Variants in PRRT3 observed in about 807,000 individuals in gnomAD.
PRRT3 encodes the protein proline-rich transmembrane protein 3.
PRRT3 carries 48 observed loss-of-function variants against 56.6 expected under a neutral mutation model. The observed-to-expected ratio is 0.85, with a 90% confidence interval of 0.67 to 1.08. The LOEUF (loss-of-function observed/expected upper bound fraction) is 1.08. Ranked by LOEUF, PRRT3 falls within the 50% of genes least tolerant of loss-of-function variation. The pLI, the probability that PRRT3 is intolerant of heterozygous loss-of-function variation, is 0.00. For synonymous variants in PRRT3, 641 were observed against 619.1 expected, an observed-to-expected ratio of 1.04 and a Z score of -0.52; for missense variants, 1,370 against 1,353.1, an observed-to-expected ratio of 1.01 and a Z score of -0.20.
rs771652795 is a variant in PRRT3, at chr3:9,950,132, T to C, written c.-17A>G. The C allele has an allele frequency of 7.1e-7, 1 of 1,413,530 alleles. No homozygotes were observed. Among genetic ancestry groups the C allele is most frequent in the Non-Finnish European group, 9.3e-7 (1 of 1,079,328 alleles). 87.6% of individuals were successfully genotyped at this position (1,413,530 alleles called of 1,614,324 possible). On this transcript the variant is annotated 5_prime_UTR_variant, in exon 2 of 4. Coordinates refer to ENST00000412055, the MANE Select transcript of PRRT3 (RefSeq NM_207351.5). The stretch of plus-strand genomic sequence containing the variant: ...GGAGGCCATGGTCTACTCCGATGCC[T>C]GGGCCTAAAGCCCCCACCTTCCAGT...
At position 9,949,817 on chromosome 3, in the gene PRRT3, T is replaced by C. The variant is rs761134264; in HGVS notation, c.299A>G (p.Lys100Arg). 25 of 1,614,026 alleles carry C rather than the reference T, an allele frequency of 1.5e-5. No homozygotes were observed. The East Asian group carries it at 1.8e-4, about 12-fold the overall frequency. The change falls in exon 2 of 4, where the codon AAA becomes AGA. Residue 100 changes from lysine to arginine, a missense_variant. Transcript: ENST00000412055. This position sits in a 1 kb window ranked among gnomAD's most constrained non-coding sequence, Gnocchi z 4.5. ...SPLGPALYGP[K>R]AAQGAQRERL... ...TTCTCTCTGAGCTCCTTGTGCTGCT[T>C]TGGGCCCGTACAGGGCTGGGCCAAG...
At position 9,950,094 on chromosome 3, in the gene PRRT3, A is replaced by G; in HGVS notation, c.22T>C (p.Cys8Arg). The change falls in exon 2 of 4, where the codon TGT becomes CGT. Residue 8 changes from cysteine (C) to arginine (R), a missense_variant. Cys to Arg is a radical substitution (Grantham distance 180). Transcript: ENST00000412055. ...AGCAACAGCAGAAGGCCACATACACAGCCCCATGGGCTGGAGGCCATGGTC... is the reference window on the plus strand; with the variant it reads ...AGCAACAGCAGAAGGCCACATACACGGCCCCATGGGCTGGAGGCCATGGTC... MASSPWG[C>R]VCGLLLLLLP... 1.3e-6 allele frequency: 2 copies of G among 1,494,840 alleles called. No individual in the cohort carries two copies. The highest frequency in any genetic ancestry group is 1.8e-6 in the Non-Finnish European group (2 of 1,123,652). 92.6% of individuals were successfully genotyped at this position (1,494,840 alleles called of 1,614,324 possible). A position where few individuals can be genotyped will look rare whatever the true frequency, so the allele number is the denominator to read the frequency against.
At chr3:9,948,362 C>G in intron 3 of PRRT3, 1 of 361,198 alleles carries the variant, frequency 2.8e-6, no homozygotes, top group Admixed American at 4.6e-5. Context: ...CAGGTTCTCA[C>G]TCTGTCATCC....
In PRRT3 at chr3:9,946,215, C is replaced by A; in HGVS notation, c.*12G>T. ...ATCGGGCAGGGTCCTGGCCCTGCGT[C>A]AGGACCGCTCTTCAAAGCTCGATGG... On this transcript the variant is annotated 3_prime_UTR_variant, in exon 4 of 4. Transcript: ENST00000412055. The surrounding 1 kb of genome is among the most constrained non-coding windows in gnomAD (Gnocchi z 4.1). 6.2e-7 allele frequency: 1 copy of A among 1,609,524 alleles called. No individual in the cohort carries two copies. Among genetic ancestry groups the A allele is most frequent in the South Asian group, 1.1e-5 (1 of 90,598 alleles).
Position 9,946,516 on chromosome 3 carries a change from T to C in PRRT3, c.2657A>G (p.Gln886Arg), listed in dbSNP as rs2085524215. The C allele has an allele frequency of 2.0e-6, 3 of 1,512,184 alleles. No individual in the cohort carries two copies. The highest frequency in any genetic ancestry group is 2.7e-6 in the Non-Finnish European group (3 of 1,129,020). 93.7% of individuals were successfully genotyped at this position (1,512,184 alleles called of 1,614,324 possible). A position where few individuals can be genotyped will look rare whatever the true frequency, so the allele number is the denominator to read the frequency against. The change falls in exon 4 of 4, where the codon CAG (glutamine) becomes CGG (arginine). Residue 886 changes from glutamine to arginine, a missense_variant. By Grantham distance (43) the Gln-to-Arg change is conservative. Coordinates refer to ENST00000412055, the MANE Select transcript of PRRT3 (RefSeq NM_207351.5). This position sits in a 1 kb window ranked among gnomAD's most constrained non-coding sequence, Gnocchi z 4.1. ...CCCGTCGGGTGCTTCCACTACGTGC[T>C]GTGGGACCGGCCCGCGCACGCGCAC... ...SDVRVRGPVP[Q>R]HVVEAPDGAA...
rs959789618 is a variant in PRRT3 at position 9,946,510 on chromosome 3, A to G, written c.2663T>C (p.Val888Ala). The G allele has an allele frequency of 1.6e-5, 24 of 1,528,404 alleles. No homozygotes were observed. The highest frequency in any genetic ancestry group is 5.6e-5 in the African/African-American group (4 of 71,640). The allele number at this position is 1,528,404 out of a possible 1,614,324, so 94.7% of individuals were successfully genotyped here. A position where few individuals can be genotyped will look rare whatever the true frequency, so the allele number is the denominator to read the frequency against. Residue 888 changes from valine to alanine, a missense_variant, in exon 4 of 4, where the codon GTA becomes GCA. By Grantham distance (64) the Val-to-Ala change is moderately conservative. Transcript: ENST00000412055. This position sits in a 1 kb window ranked among gnomAD's most constrained non-coding sequence, Gnocchi z 4.1. ...GGCTGCCCCGTCGGGTGCTTCCACT[A>G]CGTGCTGTGGGACCGGCCCGCGCAC... is the stretch of plus-strand genomic sequence containing the variant. ...VRVRGPVPQH[V>A]VEAPDGAAAA...
In PRRT3 at chr3:9,948,854, C is replaced by T; in HGVS notation, c.1075G>A (p.Glu359Lys). 3 of 1,610,676 alleles carry T rather than the reference C, an allele frequency of 1.9e-6. No homozygotes were observed. Among genetic ancestry groups the T allele is most frequent in the Non-Finnish European group, 2.5e-6 (3 of 1,178,134 alleles). ...AGAGACTTGGGGGTGCCTGGGGCCT[C>T]CACAGCTCCTCTCACCCGCTGGGGG... is the stretch of plus-strand genomic sequence containing the variant. ...ISPQRVRGAV[E>K]APGTPKSLIP... The change falls in exon 3 of 4, where the codon GAG (glutamate) becomes AAG (lysine). Residue 359 changes from glutamate (E) to lysine (K), a missense_variant. Glu to Lys is a moderately conservative substitution (Grantham distance 56, BLOSUM62 1). Coordinates refer to ENST00000412055, the MANE Select transcript of PRRT3 (RefSeq NM_207351.5).
Position 9,946,525 on chromosome 3 carries a change from G to A in PRRT3, c.2648C>T (p.Pro883Leu), listed in dbSNP as rs909804737. 2.7e-6 allele frequency: 4 copies of A among 1,483,004 alleles called. No individual in the cohort carries two copies. The highest frequency in any genetic ancestry group is 2.9e-5 in the African/African-American group (2 of 68,972). The allele number at this position is 1,483,004 out of a possible 1,614,324, so 91.9% of individuals were successfully genotyped here. The change falls in exon 4 of 4, where the codon CCG (proline) becomes CTG (leucine). Residue 883 changes from proline to leucine, a missense_variant. Transcript: ENST00000412055. This position sits in a 1 kb window ranked among gnomAD's most constrained non-coding sequence, Gnocchi z 4.1. ...RSLSDVRVRG[P>L]VPQHVVEAPD... The stretch of plus-strand genomic sequence containing the variant: ...TGCTTCCACTACGTGCTGTGGGACC[G>A]GCCCGCGCACGCGCACGTCGCTGAG...
At chr3:9,948,412 C>CT in intron 3 of PRRT3, 1 of 419,418 alleles carries the variant, frequency 2.4e-6, no homozygotes, top group Non-Finnish European at 4.2e-6. Flanking sequence ...TTACTGCAGC[C>CT]TTGACCTCCA....
Position 9,949,590 on chromosome 3 carries a change from C to T in PRRT3, c.526G>A (p.Gly176Ser), listed in dbSNP as rs1201018449. The T allele has an allele frequency of 1.2e-6, 2 of 1,614,018 alleles. No individual in the cohort carries two copies. The change falls in exon 2 of 4, where the codon GGC (glycine) becomes AGC (serine). Residue 176 changes from glycine to serine, a missense_variant. Physicochemically the swap from Gly to Ser is moderately conservative, Grantham distance 56 (BLOSUM62 0). Coordinates refer to ENST00000412055, the MANE Select transcript of PRRT3 (RefSeq NM_207351.5). The surrounding 1 kb of genome is among the most constrained non-coding windows in gnomAD (Gnocchi z 4.5). Reference protein sequence around the residue: ...ATVPPSLQHEGQEGQWPPRDE... With the variant: ...ATVPPSLQHESQEGQWPPRDE... ...CTAGGTGGCCACTGTCCCTCTTGGC[C>T]TTCATGCTGCAGGGAGGGAGGAACT... is the stretch of plus-strand genomic sequence containing the variant.
chr3:9,950,164 T>A lies in PRRT3; in HGVS notation c.-49A>T, dbSNP rs763022749. The stretch of plus-strand genomic sequence containing the variant: ...AAAGCCCCCACCTTCCAGTCCTCAC[T>A]GGATGAGCCTAAAAAAAAAACAGGG... On this transcript the variant is annotated 5_prime_UTR_variant, in exon 2 of 4. Coordinates refer to ENST00000412055, the MANE Select transcript of PRRT3 (RefSeq NM_207351.5). 1 of 1,326,210 alleles carries A rather than the reference T, an allele frequency of 7.5e-7. No individual in the cohort carries two copies. The highest frequency in any genetic ancestry group is 2.8e-5 in the South Asian group (1 of 36,034). 82.2% of individuals were successfully genotyped at this position (1,326,210 alleles called of 1,614,324 possible).
rs540542289 is a variant in PRRT3 at position 9,949,033 on chromosome 3, C to G, written c.1015+68G>C. The G allele has an allele frequency of 3.5e-5, 54 of 1,522,644 alleles. No homozygotes were observed. The African/African-American group carries it at 7.0e-4, about 20-fold the overall frequency. The allele number at this position is 1,522,644 out of a possible 1,614,324, so 94.3% of individuals were successfully genotyped here. On this transcript the variant is annotated intron_variant, in intron 2 of 3. Transcript: ENST00000412055. The surrounding 1 kb of genome is among the most constrained non-coding windows in gnomAD (Gnocchi z 4.5). ...GAGGAAAATGAGACCTAGAGGGACC[C>G]AGGGTCAAACAGAATTGAGGCATCC...
chr3:9,950,025 G>C lies in PRRT3; in HGVS notation c.91C>G (p.Pro31Ala), dbSNP rs775485383. The C allele has an allele frequency of 6.6e-7, 1 of 1,525,864 alleles. No individual in the cohort carries two copies. Among genetic ancestry groups the C allele is most frequent in the South Asian group, 1.3e-5 (1 of 74,980 alleles). The allele number at this position is 1,525,864 out of a possible 1,614,324, so 94.5% of individuals were successfully genotyped here. ...ATTTCGGAGTTTTCAAGTGGCCTGG[G>C]AAAGCCCCTCCCCAGGGCAGGGCCA... ...GTGPALGRGF[P>A]RPLENSEIPM... The change falls in exon 2 of 4, where the codon CCC (proline) becomes GCC (alanine). Residue 31 changes from proline (P) to alanine (A), a missense_variant. By Grantham distance (27) the Pro-to-Ala change is conservative. Coordinates refer to ENST00000412055, the MANE Select transcript of PRRT3 (RefSeq NM_207351.5).
chr3:9,952,059 C>A (rs376289484), intron 1 of PRRT3, among the ~76,000 whole-genome samples: 1 of 152,230 alleles, frequency 6.6e-6, no homozygotes, highest in African/African-American at 2.4e-5. Flanking sequence ...GATCTCTCTG[C>A]CGCAGGGACT....
chr3:9,947,333 G>A lies in PRRT3; in HGVS notation c.1840C>T (p.Leu614=). ...LSCAWGAAVA[L]GTLCLCRRRL... ...CGACGGCACAGGCAGAGCGTGCCCA[G>A]AGCCACGGCCGCGCCCCAGGCGCAC... The change falls in exon 4 of 4, where the codon CTG becomes TTG. Residue 614 remains leucine, a synonymous_variant. Transcript: ENST00000412055. This position sits in a 1 kb window ranked among gnomAD's most constrained non-coding sequence, Gnocchi z 9.2. 1 of 1,606,818 alleles carries A rather than the reference G, an allele frequency of 6.2e-7. No individual in the cohort carries two copies. The highest frequency in any genetic ancestry group is 8.5e-7 in the Non-Finnish European group (1 of 1,178,124).
Position 9,946,049 on chromosome 3 carries a change from G to C in PRRT3, c.*178C>G. On this transcript the variant is annotated 3_prime_UTR_variant, in exon 4 of 4. Transcript: ENST00000412055. This position sits in a 1 kb window ranked among gnomAD's most constrained non-coding sequence, Gnocchi z 4.1. ...GTTTCGCTATGTTCGAGACCAGGAG[G>C]CTGATCTCGAACTCCTGACCTCGTG... 1 of 906,646 alleles carries C rather than the reference G, an allele frequency of 1.1e-6. No homozygotes were observed. The allele number at this position is 906,646 out of a possible 1,614,324, so 56.2% of individuals were successfully genotyped here. A position where few individuals can be genotyped will look rare whatever the true frequency, so the allele number is the denominator to read the frequency against.
At position 9,949,103 on chromosome 3, in the gene PRRT3, G is replaced by A. The variant is rs377600710; in HGVS notation, c.1013C>T (p.Pro338Leu). 506 of 1,600,072 alleles carry A rather than the reference G, an allele frequency of 3.2e-4. 5 individuals carry two copies. In the South Asian group the frequency reaches 3.7e-3, roughly 12 times the overall value. The change falls in exon 2 of 4, where the codon CCA becomes CTA. Residue 338 changes from proline (P) to leucine (L), a missense_variant and splice_region_variant. Physicochemically the swap from Pro to Leu is moderately conservative, Grantham distance 98. Coordinates refer to ENST00000412055, the MANE Select transcript of PRRT3 (RefSeq NM_207351.5). This position sits in a 1 kb window ranked among gnomAD's most constrained non-coding sequence, Gnocchi z 4.5. ...TCAGCACACTCATTGATACCCACCTGGCTTAGACGGCCGATCAGGAGCCTC... is the reference window on the plus strand; with the variant it reads ...TCAGCACACTCATTGATACCCACCTAGCTTAGACGGCCGATCAGGAGCCTC... ...ASEAPDRPSK[P>L]ERAAMNGADP...
Position 9,951,815 on chromosome 3 carries a change from C to T in PRRT3, c.-58+507G>A, listed in dbSNP as rs2085623783. ...GGGGTTCAGAGAGGGTGAGCAACTC[C>T]CCCAAGGTCACACAGCTGAGTGGAC... On this transcript the variant is annotated intron_variant, in intron 1 of 3. Transcript: ENST00000412055. Among the ~76,000 whole-genome samples the T allele has an allele frequency of 2.0e-5, 3 of 152,202 alleles. No homozygotes were observed. The South Asian group carries it at 6.2e-4, about 32-fold the overall frequency.
chr3:9,946,995 C>G lies in PRRT3; in HGVS notation c.2178G>C (p.Lys726Asn). 1.9e-6 allele frequency: 3 copies of G among 1,543,188 alleles called. No homozygotes were observed. The highest frequency in any genetic ancestry group is 2.6e-6 in the Non-Finnish European group (3 of 1,149,160). Residue 726 changes from lysine (K) to asparagine (N), a missense_variant, in exon 4 of 4, where the codon AAG (lysine) becomes AAC (asparagine). Physicochemically the swap from Lys to Asn is moderately conservative, Grantham distance 94. Transcript: ENST00000412055. This position sits in a 1 kb window ranked among gnomAD's most constrained non-coding sequence, Gnocchi z 4.1. ...MRLACPAPSG[K>N]SEVPERPNNC... ...TATTGGGTCGCTCCGGCACCTCGCT[C>G]TTTCCTGACGGCGCCGGGCACGCCA...
Sources: allele counts gnomAD v4.1 joint callset (sites outside exome capture counted in the v4.1 genomes callset), GRCh38; gene constraint gnomAD v4.1.1; non-coding constraint Gnocchi (gnomAD v3.1); transcripts MANE v1.5; gene names NCBI Gene and HGNC (gene_info 2026-07-23, HGNC 2026-07-21).